Variants in TTC5 observed in about 807,000 individuals in gnomAD.
The protein encoded by TTC5 is tetratricopeptide repeat protein 5.
A neutral mutation model predicts 57.4 loss-of-function variants in TTC5; 46 were observed. The ratio of observed to expected loss-of-function variants is 0.80; its 90% CI spans 0.63 to 1.03. TTC5 has a LOEUF of 1.03. TTC5 is among the 50% of genes least tolerant of loss of function. TTC5 has a pLI of 0.00. For synonymous variants in TTC5, 190 were observed against 203.5 expected (o/e 0.93, Z 0.57); for missense variants, 504 against 528.1 (o/e 0.95, Z 0.45).
intron 1 of TTC5, among the ~76,000 whole-genome samples, chr14:20,304,982 T>A (rs1211348909): frequency 6.6e-6 from 1 of 152,224 alleles, no homozygotes; most frequent in Non-Finnish European, 1.5e-5. Flanking sequence ...CCTTTTCAGA[T>A]TTTTTTCTGT....
intron 1 of TTC5, 136 bp downstream of exon 1, chr14:20,305,751 A>G: frequency 1.1e-6 from 1 of 903,452 alleles, no homozygotes; most frequent in Non-Finnish European, 1.8e-6. Flanking sequence ...TGCACCCTCG[A>G]GGGTTGTTAT....
chr14:20,299,314 A>C lies in TTC5; in HGVS notation c.531T>G (p.His177Gln), dbSNP rs1210936367. Residue 177 changes from histidine to glutamine, a missense_variant, in exon 4 of 10, where the codon CAT becomes CAG. Physicochemically the swap from His to Gln is conservative, Grantham distance 24. Coordinates refer to ENST00000258821, the MANE Select transcript of TTC5 (RefSeq NM_138376.3). ...QAKLAVQMDV[H>Q]DGRSWYILGN... ...AGCACTCACACCAGGAGCGGCCATC[A>C]TGGACATCCATCTGAACAGCCAACT... 6.2e-7 allele frequency: 1 copy of C among 1,613,810 alleles called. No individual in the cohort carries two copies. The highest frequency in any genetic ancestry group is 8.5e-7 in the Non-Finnish European group (1 of 1,179,848).
intron 4 of TTC5, 133 bp downstream of exon 4, chr14:20,299,165 G>T: frequency 1.0e-6 from 1 of 984,338 alleles, no homozygotes; most frequent in South Asian, 1.7e-5. Flanking sequence ...AATGTCTTTC[G>T]TGTGTCTTCA....
At chr14:20,296,961 G>A (rs907110033) in intron 5 of TTC5, among the ~76,000 whole-genome samples, 19 of 152,148 alleles carry the variant, frequency 1.2e-4, no homozygotes, top group African/African-American at 3.9e-4. Context: ...AGTGAGCCGA[G>A]ATTGCACCAC....
rs370917600 is a variant in TTC5 at position 20,298,935 on chromosome 14, G to T, written c.548-47C>A. On this transcript the variant is annotated intron_variant, in intron 4 of 9. Transcript: ENST00000258821. ...AAATCATCTCAGAGTCCAAGTTCAA[G>T]ATATGACTTATTTTGATCATTCTTG... The T allele has an allele frequency of 8.7e-6, 12 of 1,374,526 alleles. No homozygotes were observed. The South Asian group carries it at 1.1e-4, about 12-fold the overall frequency. The allele number at this position is 1,374,526 out of a possible 1,614,324, so 85.1% of individuals were successfully genotyped here.
At chr14:20,290,767 T>C (rs1444949143) in intron 9 of TTC5, among the ~76,000 whole-genome samples, 1 of 152,194 alleles carries the variant, frequency 6.6e-6, no homozygotes, top group Non-Finnish European at 1.5e-5. Context: ...TTTTTTTCTA[T>C]TATAAAAGTA....
rs1412969810 is a variant in TTC5 at position 20,289,576 on chromosome 14, C to T, written c.*51G>A. ...ACTGGATGTGGCTGGACCGGCTGTC[C>T]AGAGCCTTGTCTCCTCTCCTCCACT... On this transcript the variant is annotated 3_prime_UTR_variant, in exon 10 of 10. Coordinates refer to ENST00000258821, the MANE Select transcript of TTC5 (RefSeq NM_138376.3). The T allele has an allele frequency of 6.3e-7, 1 of 1,574,926 alleles. No homozygotes were observed. The highest frequency in any genetic ancestry group is 2.2e-5 in the East Asian group (1 of 44,458).
intron 5 of TTC5, among the ~76,000 whole-genome samples, chr14:20,296,656 C>T (rs998512214): frequency 8.5e-5 from 13 of 152,140 alleles, no homozygotes; most frequent in African/African-American, 3.1e-4. Context: ...ATGTGTGAGA[C>T]TTCAAAATAT....
At chr14:20,291,825 CAT>C (rs968750839) in intron 9 of TTC5, among the ~76,000 whole-genome samples, 156 bp downstream of exon 9, 31 of 151,144 alleles carry the variant, frequency 2.1e-4, no homozygotes, top group Middle Eastern at 3.2e-3. Flanking sequence ...TAAAAAAATA[CAT>C]ATATATATAT....
At chr14:20,295,618 C>G in intron 7 of TTC5, 90 bp downstream of exon 7, 1 of 1,547,178 alleles carries the variant, frequency 6.5e-7, no homozygotes, top group Non-Finnish European at 8.7e-7. Flanking sequence ...TATAGGGTCT[C>G]TACCTCGTAA....
chr14:20,300,439 G>A, intron 3 of TTC5, 168 bp downstream of exon 3: 1 of 594,208 alleles, frequency 1.7e-6, no homozygotes, highest in Non-Finnish European at 2.9e-6. Context: ...CCAGGCCCCT[G>A]CCTCTATTTT....
rs1410494288 is a variant in TTC5, at chr14:20,287,573, G to A, written c.*2054C>T. On this transcript the variant is annotated 3_prime_UTR_variant, in exon 10 of 10. Transcript: ENST00000258821. ...CAATGATGTTCTAGTTTTTAAGGCA[G>A]GTGGATATTTTATGGGTATTCTAGT... 1 of 152,146 alleles carries A rather than the reference G, an allele frequency of 6.6e-6. No individual in the cohort carries two copies. Among genetic ancestry groups the A allele is most frequent in the African/African-American group, 2.4e-5 (1 of 41,414 alleles). The allele number at this position is 152,146 out of a possible 1,614,324, so 9.4% of individuals were successfully genotyped here.
intron 8 of TTC5, chr14:20,293,462 T>G (rs1253206197): frequency 6.6e-6 from 1 of 152,144 alleles, no homozygotes; most frequent in Non-Finnish European, 1.5e-5. Context: ...AGACAAAAGA[T>G]AATAGAAAGA....
rs1881872882 is a variant in TTC5, at chr14:20,288,010, A to T, written c.*1617T>A. 6.6e-6 allele frequency: 1 copy of T among 152,110 alleles called. No individual in the cohort carries two copies. The highest frequency in any genetic ancestry group is 2.4e-5 in the African/African-American group (1 of 41,412). 9.4% of individuals were successfully genotyped at this position (152,110 alleles called of 1,614,324 possible). On this transcript the variant is annotated 3_prime_UTR_variant, in exon 10 of 10. Transcript: ENST00000258821. ...CAGTCCATGAAGAGTGTTCTTGCAA[A>T]CTATATCAGACTGGTTACTCATACT...
rs774819158 is a variant in TTC5, at chr14:20,299,443, C to G, written c.402G>C (p.Arg134Ser). Reference sequence around the variant, plus strand: ...ACAGGTTTTGCAAGGAGACTTTGTTCCTGCACTGCAAATAGGAAGGGCACA... The same window carrying G: ...ACAGGTTTTGCAAGGAGACTTTGTTGCTGCACTGCAAATAGGAAGGGCACA... ...TCFSGALTHC[R>S]NKVSLQNLSM... The change falls in exon 4 of 10, where the codon AGG becomes AGC. Residue 134 changes from arginine to serine, a missense_variant. Transcript: ENST00000258821. 6.2e-7 allele frequency: 1 copy of G among 1,613,782 alleles called. No individual in the cohort carries two copies.
In TTC5 at chr14:20,287,383, G is replaced by A. The variant is rs570372269; in HGVS notation, c.*2244C>T. ...CACTTACATATCAGGACATATACAAGAATATTAATAATGTAGTGCTTTGGT... is the reference window on the plus strand; with the variant it reads ...CACTTACATATCAGGACATATACAAAAATATTAATAATGTAGTGCTTTGGT... On this transcript the variant is annotated 3_prime_UTR_variant, in exon 10 of 10. Coordinates refer to ENST00000258821, the MANE Select transcript of TTC5 (RefSeq NM_138376.3). 2 of 152,244 alleles carry A rather than the reference G, an allele frequency of 1.3e-5. No homozygotes were observed. The highest frequency in any genetic ancestry group is 1.9e-4 in the East Asian group (1 of 5,184). 9.4% of individuals were successfully genotyped at this position (152,244 alleles called of 1,614,324 possible).
At chr14:20,297,949 G>C (rs184873150) in intron 5 of TTC5, among the ~76,000 whole-genome samples, 2 of 152,302 alleles carry the variant, frequency 1.3e-5, no homozygotes, top group African/African-American at 4.8e-5. Context: ...GTCAAAGGTA[G>C]AGTTGTGGGG....
At chr14:20,302,029 G>T in intron 1 of TTC5, 64 bp from the exon 2 acceptor site, 1 of 1,578,170 alleles carries the variant, frequency 6.3e-7, no homozygotes, top group Non-Finnish European at 8.7e-7. Flanking sequence ...CTTGAAATTG[G>T]CTAGCCATAC....
intron 6 of TTC5, 50 bp from the exon 7 acceptor site, chr14:20,295,904 C>A (rs760293372): frequency 1.3e-6 from 2 of 1,491,210 alleles, no homozygotes; most frequent in Non-Finnish European, 1.8e-6. Context: ...CAAACTATCC[C>A]GAGGGAATGG....
Sources: gnomAD v4.1 joint callset for allele counts (sites outside exome capture counted in the v4.1 genomes callset) on GRCh38, gnomAD v4.1.1 for gene constraint, MANE v1.5 for transcripts, NCBI Gene and HGNC (gene_info 2026-07-23, HGNC 2026-07-21) for gene names.